The following CMYA5 variants were observed in gnomAD, a reference collection of about 807,000 sequenced individuals.
CMYA5 encodes the protein cardiomyopathy associated 5.
A neutral mutation model predicts 318.9 loss-of-function variants in CMYA5; 246 were observed. The ratio of observed to expected loss-of-function variants is 0.77; its 90% CI spans 0.70 to 0.86. The LOEUF (loss-of-function observed/expected upper bound fraction) is 0.86, where lower values mean the gene tolerates loss of function less well. Ranked by LOEUF, CMYA5 falls within the 40% of genes least tolerant of loss-of-function variation. CMYA5 has a pLI of 0.00. For synonymous variants in CMYA5, 1,641 were observed against 1,729.5 expected (o/e 0.95, Z 1.27); for missense variants, 4,589 against 4,678.2 (o/e 0.98, Z 0.56).
In CMYA5 at chr5:79,731,334, C is replaced by A; in HGVS notation, c.2569C>A (p.Pro857Thr). Reference sequence around the variant, plus strand: ...GGTTGTTGCATCTGAACACTCTTTCCCACCACACACAACCGAGATGACTTC... The same window carrying A: ...GGTTGTTGCATCTGAACACTCTTTCACACCACACACAACCGAGATGACTTC... ...DLVVASEHSF[P>T]PHTTEMTSEC... is the part of the protein sequence containing the mutation. Residue 857 changes from proline to threonine, a missense_variant, in exon 2 of 13, where the codon CCA (proline) becomes ACA (threonine). Pro to Thr is a conservative substitution (Grantham distance 38, BLOSUM62 -1). This residue lies in a region of CMYA5 where 2,132 missense variants were observed against 2,131.3 expected (regional missense o/e 1.00). Coordinates refer to ENST00000446378, the MANE Select transcript of CMYA5 (RefSeq NM_153610.5). The A allele has an allele frequency of 6.2e-7, 1 of 1,613,960 alleles. No homozygotes were observed. The highest frequency in any genetic ancestry group is 8.5e-7 in the Non-Finnish European group (1 of 1,179,888).
At chr5:79,715,764 TC>T (rs1404188370) in intron 1 of CMYA5, among the ~76,000 whole-genome samples, 1 of 152,208 alleles carries the variant, frequency 6.6e-6, no homozygotes, top group African/African-American at 2.4e-5. Flanking sequence ...CCAACTTTTA[TC>T]TTTTTTGCAT....
chr5:79,697,077 C>G (rs1827081634), intron 1 of CMYA5, among the ~76,000 whole-genome samples: 1 of 152,196 alleles, frequency 6.6e-6, no homozygotes, highest in South Asian at 2.1e-4. Context: ...TGTGGGCCTA[C>G]TGTGTGCCAC....
In CMYA5 at chr5:79,736,119, A is replaced by T; in HGVS notation, c.7354A>T (p.Ser2452Cys). ...AGAGGAAACAAAACTCAGGTCTGTT[A>T]GTCCAACTGAGAAGAAAGATAATTT... ...SEEETKLRSV[S>C]PTEKKDNLEN... Residue 2452 changes from serine (S) to cysteine (C), a missense_variant, in exon 2 of 13, where the codon AGT becomes TGT. Coordinates refer to ENST00000446378, the MANE Select transcript of CMYA5 (RefSeq NM_153610.5). 1 of 1,613,666 alleles carries T rather than the reference A, an allele frequency of 6.2e-7. No individual in the cohort carries two copies. The highest frequency in any genetic ancestry group is 1.1e-5 in the South Asian group (1 of 91,018).
rs1306458868 is a variant in CMYA5, at chr5:79,735,783, G to A, written c.7018G>A (p.Val2340Ile). 6.4e-7 allele frequency: 1 copy of A among 1,560,872 alleles called. No homozygotes were observed. Among genetic ancestry groups the A allele is most frequent in the South Asian group, 1.3e-5 (1 of 79,282 alleles). The change falls in exon 2 of 13, where the codon GTT becomes ATT. Residue 2340 changes from valine to isoleucine, a missense_variant. By Grantham distance (29) the Val-to-Ile change is conservative. Transcript: ENST00000446378. Reference sequence around the variant, plus strand: ...AGCCAAAACTATTGTTCCTCCTCATGTTACTGATAGTAAAAGAGTCCAGAA... The same window carrying A: ...AGCCAAAACTATTGTTCCTCCTCATATTACTGATAGTAAAAGAGTCCAGAA... ...EEAKTIVPPH[V>I]TDSKRVQKPA...
Position 79,729,025 on chromosome 5 carries a change from C to A in CMYA5, c.260C>A (p.Thr87Asn). Residue 87 changes from threonine (T) to asparagine (N), a missense_variant, in exon 2 of 13, where the codon ACC (threonine) becomes AAC (asparagine). Around this residue, in one of 3 missense-constraint regions of CMYA5, gnomAD observed 2,132 missense variants for 2,131.3 expected, o/e 1.00. Coordinates refer to ENST00000446378, the MANE Select transcript of CMYA5 (RefSeq NM_153610.5). ...GAAGATAGTGGGATAACCTGGGAAA[C>A]CAATTCAAGTAGATCTTCTACTCCT... is the stretch of plus-strand genomic sequence containing the variant. The part of the protein sequence containing the change: ...QREDSGITWE[T>N]NSSRSSTPWA... The A allele has an allele frequency of 6.2e-7, 1 of 1,613,928 alleles. No homozygotes were observed. Among genetic ancestry groups the A allele is most frequent in the Non-Finnish European group, 8.5e-7 (1 of 1,179,866 alleles).
intron 1 of CMYA5, among the ~76,000 whole-genome samples, chr5:79,699,024 T>TG (rs1827126014): frequency 6.6e-6 from 1 of 151,936 alleles, no homozygotes; most frequent in Non-Finnish European, 1.5e-5. Flanking sequence ...TGGGCGTAGT[T>TG]GCGTGCACCT....
In CMYA5 at chr5:79,736,862, A is replaced by G. The variant is rs372220831; in HGVS notation, c.8097A>G (p.Gln2699=). 51 of 1,613,180 alleles carry G rather than the reference A, an allele frequency of 3.2e-5. No homozygotes were observed. The highest frequency in any genetic ancestry group is 4.2e-5 in the Non-Finnish European group (50 of 1,179,760). The stretch of plus-strand genomic sequence containing the variant: ...AAGAAACTGTGAAACAAGGATTTCA[A>G]GAAAAGGCAGTAGGAACCCAACCAC... ...ITKETVKQGF[Q]EKAVGTQPRP... is the part of the protein sequence containing the mutation. The change falls in exon 2 of 13, where the codon CAA becomes CAG. Residue 2699 remains glutamine, a synonymous_variant. Transcript: ENST00000446378.
At position 79,737,802 on chromosome 5, in the gene CMYA5, G is replaced by T. The variant is rs374553597; in HGVS notation, c.9037G>T (p.Val3013Phe). 3 of 1,609,030 alleles carry T rather than the reference G, an allele frequency of 1.9e-6. No individual in the cohort carries two copies. The highest frequency in any genetic ancestry group is 4.5e-5 in the East Asian group (2 of 44,836). The change falls in exon 2 of 13, where the codon GTT becomes TTT. Residue 3013 changes from valine (V) to phenylalanine (F), a missense_variant. Coordinates refer to ENST00000446378, the MANE Select transcript of CMYA5 (RefSeq NM_153610.5). ...TLKSRLEDEK[V>F]TPLKENKQKE... is the part of the protein sequence containing the mutation. ...AAAGAGCAGGTTAGAAGATGAAAAA[G>T]TTACCCCATTGAAAGAAAATAAACA...
Position 79,735,091 on chromosome 5 carries a change from A to C in CMYA5, c.6326A>C (p.Gln2109Pro). The stretch of plus-strand genomic sequence containing the variant: ...CCATTGGAAGAATCAAAAATGGTTC[A>C]GTCAAAGGTTATTGATGATGCTGAT... ...EKPLEESKMV[Q>P]SKVIDDADEG... Residue 2109 changes from glutamine (Q) to proline (P), a missense_variant, in exon 2 of 13, where the codon CAG becomes CCG. Physicochemically the swap from Gln to Pro is moderately conservative, Grantham distance 76 (BLOSUM62 -1). Around this residue, in one of 3 missense-constraint regions of CMYA5, gnomAD observed 2,431 missense variants for 2,495.1 expected, o/e 0.97. Coordinates refer to ENST00000446378, the MANE Select transcript of CMYA5 (RefSeq NM_153610.5). 1 of 1,613,868 alleles carries C rather than the reference A, an allele frequency of 6.2e-7. No individual in the cohort carries two copies. Among genetic ancestry groups the C allele is most frequent in the South Asian group, 1.1e-5 (1 of 91,074 alleles).
In CMYA5 at chr5:79,736,120, G is replaced by T; in HGVS notation, c.7355G>T (p.Ser2452Ile). The T allele has an allele frequency of 6.2e-7, 1 of 1,613,664 alleles. No individual in the cohort carries two copies. Among genetic ancestry groups the T allele is most frequent in the South Asian group, 1.1e-5 (1 of 91,032 alleles). The change falls in exon 2 of 13, where the codon AGT becomes ATT. Residue 2452 changes from serine to isoleucine, a missense_variant. Around this residue, in one of 3 missense-constraint regions of CMYA5, gnomAD observed 2,431 missense variants for 2,495.1 expected, o/e 0.97. Transcript: ENST00000446378. ...GAGGAAACAAAACTCAGGTCTGTTA[G>T]TCCAACTGAGAAGAAAGATAATTTG... The part of the protein sequence containing the change: ...SEEETKLRSV[S>I]PTEKKDNLEN...
At position 79,736,830 on chromosome 5, in the gene CMYA5, A is replaced by T. The variant is rs780287412; in HGVS notation, c.8065A>T (p.Ile2689Phe). ...GCTATCGAAAGGCGGTTCAGTAGAT[A>T]TCACAAAAGAAACTGTGAAACAAGG... ...SELSKGGSVD[I>F]TKETVKQGFQ... Residue 2689 changes from isoleucine (I) to phenylalanine (F), a missense_variant, in exon 2 of 13, where the codon ATC becomes TTC. Coordinates refer to ENST00000446378, the MANE Select transcript of CMYA5 (RefSeq NM_153610.5). 3 of 1,613,092 alleles carry T rather than the reference A, an allele frequency of 1.9e-6. No homozygotes were observed. The highest frequency in any genetic ancestry group is 1.7e-6 in the Non-Finnish European group (2 of 1,179,736).
In CMYA5 at chr5:79,736,934, C is replaced by T. The variant is rs752160989; in HGVS notation, c.8169C>T (p.Phe2723=). The part of the protein sequence containing the change: ...SKVLVEKTKT[F]LPVVLSCHDE... ...TTTTGGTGGAGAAAACTAAGACTTTCCTGCCAGTGGTTCTTTCTTGTCATG... is the reference window on the plus strand; with the variant it reads ...TTTTGGTGGAGAAAACTAAGACTTTTCTGCCAGTGGTTCTTTCTTGTCATG... The change falls in exon 2 of 13, where the codon TTC becomes TTT. Residue 2723 remains phenylalanine (F), a synonymous_variant. Transcript: ENST00000446378. The T allele has an allele frequency of 5.6e-6, 9 of 1,613,314 alleles. No individual in the cohort carries two copies. Among genetic ancestry groups the T allele is most frequent in the Middle Eastern group, 1.6e-4 (1 of 6,062 alleles).
At chr5:79,728,620 C>G (rs1479210785) in intron 1 of CMYA5, among the ~76,000 whole-genome samples, 2 of 151,970 alleles carry the variant, frequency 1.3e-5, no homozygotes, top group East Asian at 1.9e-4. Flanking sequence ...TGAGTCCCGA[C>G]AAGATCAGGA....
intron 6 of CMYA5, among the ~76,000 whole-genome samples, chr5:79,758,001 G>A (rs557771808): frequency 6.6e-6 from 1 of 152,122 alleles, no homozygotes; most frequent in African/African-American, 2.4e-5. Context: ...AGGCTGAGGC[G>A]GGTGGAATCC....
intron 5 of CMYA5, among the ~76,000 whole-genome samples, chr5:79,750,937 G>C (rs537026981): frequency 6.6e-6 from 1 of 152,240 alleles, no homozygotes; most frequent in South Asian, 2.1e-4. Context: ...ATACACATCA[G>C]TGATGTGTAT....
chr5:79,777,977 A>C (rs1353227127), intron 9 of CMYA5: 1 of 151,210 alleles, frequency 6.6e-6, no homozygotes, highest in Non-Finnish European at 1.5e-5. Context: ...AAAATTAGAC[A>C]GGTGCAGTGG....
chr5:79,733,497 T>A lies in CMYA5; in HGVS notation c.4732T>A (p.Ser1578Thr). 1 of 1,613,938 alleles carries A rather than the reference T, an allele frequency of 6.2e-7. No homozygotes were observed. Among genetic ancestry groups the A allele is most frequent in the Non-Finnish European group, 8.5e-7 (1 of 1,179,846 alleles). ...SSSPELENLA[S>T]GLAPTLLLLS... Reference sequence around the variant, plus strand: ...ATCTCCTGAGTTGGAAAATTTAGCATCAGGTTTAGCCCCAACATTACTGCT... The same window carrying A: ...ATCTCCTGAGTTGGAAAATTTAGCAACAGGTTTAGCCCCAACATTACTGCT... The change falls in exon 2 of 13, where the codon TCA becomes ACA. Residue 1578 changes from serine to threonine, a missense_variant. This residue lies in a region of CMYA5 where 2,132 missense variants were observed against 2,131.3 expected (regional missense o/e 1.00). Coordinates refer to ENST00000446378, the MANE Select transcript of CMYA5 (RefSeq NM_153610.5).
chr5:79,743,370 T>C (rs1434803932), intron 2 of CMYA5, among the ~76,000 whole-genome samples: 1 of 152,134 alleles, frequency 6.6e-6, no homozygotes, highest in Non-Finnish European at 1.5e-5. Flanking sequence ...ATGCTAAATT[T>C]CAGGCCTTGT....
rs1438521217 is a variant in CMYA5, at chr5:79,761,886, A to G, written c.11336A>G (p.Tyr3779Cys). 2 of 1,613,854 alleles carry G rather than the reference A, an allele frequency of 1.2e-6. No individual in the cohort carries two copies. The highest frequency in any genetic ancestry group is 8.5e-7 in the Non-Finnish European group (1 of 1,179,812). The change falls in exon 8 of 13, where the codon TAT becomes TGT. Residue 3779 changes from tyrosine to cysteine, a missense_variant. Transcript: ENST00000446378. Reference protein sequence around the residue: ...IFEDLEPDRCYQVWVMAVNFT... With the variant: ...IFEDLEPDRCCQVWVMAVNFT... ...GAAGATCTGGAACCTGACCGATGCT[A>G]TCAAGTGTGGGTGATGGCTGTGAAC...
Sources: allele counts gnomAD v4.1 joint callset (sites outside exome capture counted in the v4.1 genomes callset), GRCh38; gene constraint gnomAD v4.1.1; regional missense constraint gnomAD v4.1.1; transcripts MANE v1.5; gene names NCBI Gene and HGNC (gene_info 2026-07-23, HGNC 2026-07-21).